The following OTUD7A variants were observed in gnomAD, a reference collection of about 807,000 sequenced individuals.
OTUD7A encodes OTU deubiquitinase 7A.
In OTUD7A, 12 loss-of-function variants were observed where a neutral mutation model predicts 65.7. The ratio of observed to expected loss-of-function variants is 0.18; its 90% confidence interval spans 0.12 to 0.30. OTUD7A has a LOEUF of 0.30. OTUD7A is among the 10% of genes least tolerant of loss of function. The pLI is 1.00. For missense variants in OTUD7A, 1,148 were observed against 1,304.8 expected (o/e 0.88, Z 1.85); for synonymous variants, 641 against 586.3 (o/e 1.09, Z -1.35).
At chr15:31,816,286 G>T (rs568131127) in intron 1 of OTUD7A, among the ~76,000 whole-genome samples, 1 of 152,326 alleles carries the variant, frequency 6.6e-6, no homozygotes, top group East Asian at 1.9e-4. Flanking sequence ...GGAGATATTT[G>T]ATTCCTTCTT....
At chr15:31,800,737 T>C (rs1311330503) in intron 1 of OTUD7A, among the ~76,000 whole-genome samples, 1 of 152,190 alleles carries the variant, frequency 6.6e-6, no homozygotes, top group Non-Finnish European at 1.5e-5. Flanking sequence ...ATACTGCACC[T>C]AGTTCACAGT....
intron 5 of OTUD7A, among the ~76,000 whole-genome samples, chr15:31,536,818 C>A (rs1887816955): frequency 6.6e-6 from 1 of 152,076 alleles, no homozygotes; most frequent in South Asian, 2.1e-4. Context: ...AGTGCAAAGA[C>A]AGATACCAGA....
At position 31,819,830 on chromosome 15, in the gene OTUD7A, T is replaced by C. The variant is rs546867686; in HGVS notation, c.-100+50677A>G. The stretch of plus-strand genomic sequence containing the variant: ...ATAATGTATCAGTATATATGTTATT[T>C]TTATACGTAATATCAAATATATTCG... On this transcript the variant is annotated intron_variant, in intron 1 of 12. Coordinates refer to ENST00000307050, the MANE Select transcript of OTUD7A (RefSeq NM_001382637.1). Among the ~76,000 whole-genome samples, 8 of 152,126 alleles carry C rather than the reference T, an allele frequency of 5.3e-5. No individual in the cohort carries two copies. In the South Asian group the frequency reaches 1.7e-3, roughly 32 times the overall value.
chr15:31,527,335 G>A, intron 6 of OTUD7A, 27 bp from the exon 7 acceptor site: 1 of 1,611,316 alleles, frequency 6.2e-7, no homozygotes, highest in Non-Finnish European at 8.5e-7. Context: ...AGGGAGAACA[G>A]AGGAGAGAAA....
chr15:31,863,793 C>G (rs1344441005), intron 1 of OTUD7A, among the ~76,000 whole-genome samples: 1 of 152,224 alleles, frequency 6.6e-6, no homozygotes, highest in Non-Finnish European at 1.5e-5. Context: ...GCTACTTATG[C>G]ACATTTCTGA....
rs2141056093 is a variant in OTUD7A, at chr15:31,481,815, C to G, written c.*1479G>C. ...ATCGTTTCTAGAGGAGAAGCTGGCTCCAGTGAAGAGATGGTCGACCTCCTG... is the reference window on the plus strand; with the variant it reads ...ATCGTTTCTAGAGGAGAAGCTGGCTGCAGTGAAGAGATGGTCGACCTCCTG... On this transcript the variant is annotated 3_prime_UTR_variant, in exon 13 of 13. Coordinates refer to ENST00000307050, the MANE Select transcript of OTUD7A (RefSeq NM_001382637.1). 6.6e-6 allele frequency: 1 copy of G among 152,296 alleles called. No homozygotes were observed. Among genetic ancestry groups the G allele is most frequent in the East Asian group, 1.9e-4 (1 of 5,176 alleles). 9.4% of individuals were successfully genotyped at this position (152,296 alleles called of 1,614,324 possible).
At chr15:31,806,241 A>G (rs1053180773) in intron 1 of OTUD7A, among the ~76,000 whole-genome samples, 2 of 152,236 alleles carry the variant, frequency 1.3e-5, no homozygotes, top group Admixed American at 6.5e-5. Context: ...TGCAAAAAGC[A>G]CATGGCTCAT....
At chr15:31,489,660 C>T (rs2041288789) in intron 10 of OTUD7A, among the ~76,000 whole-genome samples, 1 of 152,220 alleles carries the variant, frequency 6.6e-6, no homozygotes, top group Non-Finnish European at 1.5e-5. Flanking sequence ...GAAGAGCTGC[C>T]TGACAATTGA....
At chr15:31,587,639 CA>C (rs11445101) in intron 3 of OTUD7A, among the ~76,000 whole-genome samples, 34,425 of 129,626 alleles carry the variant, frequency 0.27, 4,261 homozygotes, top group African/African-American at 0.36. Context: ...GACTCCATTT[CA>C]AAAAAAAAAA....
At chr15:31,843,322 T>C (rs1897228464) in intron 1 of OTUD7A, among the ~76,000 whole-genome samples, 1 of 149,164 alleles carries the variant, frequency 6.7e-6, no homozygotes, top group African/African-American at 2.5e-5. Context: ...TTTTAAAATA[T>C]TTTTTCTCCA....
intron 1 of OTUD7A, among the ~76,000 whole-genome samples, chr15:31,849,007 T>C (rs1452722870): frequency 1.3e-5 from 2 of 152,240 alleles, no homozygotes; most frequent in Non-Finnish European, 2.9e-5. Context: ...TATGAAATTC[T>C]GGGTTGAAAT....
chr15:31,647,215 C>T (rs577653961), intron 3 of OTUD7A, among the ~76,000 whole-genome samples: 2 of 152,274 alleles, frequency 1.3e-5, no homozygotes, highest in South Asian at 4.1e-4. Context: ...GTGTTAACTC[C>T]TGCTTAGGAT....
chr15:31,540,970 T>C (rs1887969925), intron 5 of OTUD7A, among the ~76,000 whole-genome samples: 2 of 152,216 alleles, frequency 1.3e-5, no homozygotes, highest in South Asian at 4.1e-4. Context: ...GGAGCTTTTA[T>C]AGCAATGCGC....
intron 1 of OTUD7A, among the ~76,000 whole-genome samples, chr15:31,868,848 T>C (rs545284210): frequency 1.3e-5 from 2 of 152,300 alleles, no homozygotes; most frequent in Admixed American, 1.3e-4. Context: ...AACCACTGTT[T>C]TCCCATTCTT....
chr15:31,635,063 T>C (rs745380260), intron 3 of OTUD7A, among the ~76,000 whole-genome samples: 12 of 152,190 alleles, frequency 7.9e-5, no homozygotes, highest in Non-Finnish European at 1.5e-4. Flanking sequence ...CCTAGGTCCT[T>C]AGTGGTTCTT....
chr15:31,652,960 T>A (rs1422932319), intron 3 of OTUD7A, among the ~76,000 whole-genome samples: 1 of 151,888 alleles, frequency 6.6e-6, no homozygotes, highest in African/African-American at 2.4e-5. Context: ...CCTAGAAAAA[T>A]TAAAACTAGG....
chr15:31,752,067 A>G (rs1479944957), intron 1 of OTUD7A, among the ~76,000 whole-genome samples: 4 of 152,230 alleles, frequency 2.6e-5, no homozygotes, highest in Non-Finnish European at 4.4e-5. Flanking sequence ...AAAATAATTT[A>G]TAAATGAATG....
chr15:31,608,405 A>G (rs1386831747), intron 3 of OTUD7A, among the ~76,000 whole-genome samples: 1 of 152,238 alleles, frequency 6.6e-6, no homozygotes, highest in Non-Finnish European at 1.5e-5. Context: ...GTGAAAGATA[A>G]GTTCAGAAGA....
At chr15:31,574,487 T>A (rs567993489) in intron 3 of OTUD7A, among the ~76,000 whole-genome samples, 2 of 152,108 alleles carry the variant, frequency 1.3e-5, no homozygotes, top group African/African-American at 4.8e-5. Context: ...CTAAAACAGA[T>A]AGATAATAGT....
Sources: allele counts gnomAD v4.1 joint callset (sites outside exome capture counted in the v4.1 genomes callset), GRCh38; gene constraint gnomAD v4.1.1; transcripts MANE v1.5; gene names NCBI Gene and HGNC (gene_info 2026-07-23, HGNC 2026-07-21).